Variants in KCNMA1 observed in about 807,000 individuals in gnomAD.
KCNMA1 encodes potassium calcium-activated channel subfamily M alpha 1, also known as Calcium-activated potassium channel subunit alpha-1.
A neutral mutation model predicts 140.0 loss-of-function variants in KCNMA1; 29 were observed. That is an observed-to-expected ratio of 0.21 (90% CI 0.15 to 0.28). The LOEUF (loss-of-function observed/expected upper bound fraction) is 0.28, where lower values mean the gene tolerates loss of function less well. KCNMA1 is among the 10% of genes least tolerant of loss of function. KCNMA1 has a pLI of 1.00. For synonymous variants in KCNMA1, 612 were observed against 611.9 expected (o/e 1.00, Z 0.00); for missense variants, 880 against 1,602.2 (o/e 0.55, Z 7.70).
chr10:77,490,502 G>A (rs910744981), intron 1 of KCNMA1, among the ~76,000 whole-genome samples: 1 of 152,130 alleles, frequency 6.6e-6, no homozygotes, highest in Non-Finnish European at 1.5e-5. Flanking sequence ...AACTTCTTGG[G>A]CAAACAGTTT....
chr10:77,571,576 C>A (rs760926617), intron 1 of KCNMA1, among the ~76,000 whole-genome samples: 1 of 152,154 alleles, frequency 6.6e-6, no homozygotes, highest in Non-Finnish European at 1.5e-5. Flanking sequence ...TCTCCCTTTG[C>A]CCCCCTGCAG....
chr10:77,418,843 C>T (rs1341576718), intron 1 of KCNMA1, among the ~76,000 whole-genome samples: 1 of 152,180 alleles, frequency 6.6e-6, no homozygotes, highest in Admixed American at 6.5e-5. Flanking sequence ...TCAAAAGGCA[C>T]ACACCTTTCT....
intron 1 of KCNMA1, among the ~76,000 whole-genome samples, chr10:77,542,246 GC>G (rs970702346): frequency 6.6e-5 from 10 of 152,168 alleles, no homozygotes; most frequent in Admixed American, 1.3e-4. Context: ...ATCACCCAGT[GC>G]AAGGCATTTT....
chr10:76,889,334 G>C, intron 27 of KCNMA1, 117 bp downstream of exon 27: 1 of 747,220 alleles, frequency 1.3e-6, no homozygotes, highest in Non-Finnish European at 2.4e-6. Flanking sequence ...AATATGGGCA[G>C]AGTAATTTGC....
chr10:76,886,356 C>T lies in KCNMA1; in HGVS notation c.*910G>A. On this transcript the variant is annotated 3_prime_UTR_variant, in exon 28 of 28. Coordinates refer to ENST00000286628, the MANE Select transcript of KCNMA1 (RefSeq NM_001161352.2). ...TCACCTTTTAAAAGATGTAAAAGTC[C>T]CAGGAAGGCAGTTTTTAATGACTTA... 1.0e-6 allele frequency: 1 copy of T among 984,686 alleles called. No individual in the cohort carries two copies. Among genetic ancestry groups the T allele is most frequent in the Non-Finnish European group, 1.2e-6 (1 of 829,444 alleles). The allele number at this position is 984,686 out of a possible 1,614,324, so 61.0% of individuals were successfully genotyped here.
intron 1 of KCNMA1, among the ~76,000 whole-genome samples, chr10:77,633,917 T>G (rs1321964063): frequency 6.6e-6 from 1 of 152,162 alleles, no homozygotes; most frequent in Non-Finnish European, 1.5e-5. Context: ...TATGTAACTG[T>G]CCCAAGGCTG....
intron 1 of KCNMA1, among the ~76,000 whole-genome samples, chr10:77,412,665 G>A (rs1343871138): frequency 6.6e-6 from 1 of 152,334 alleles, no homozygotes; most frequent in South Asian, 2.1e-4. Context: ...CAGGGGGGCT[G>A]GTTACCAAGG....
At chr10:77,071,504 G>A (rs2096211150) in intron 14 of KCNMA1, 1 of 152,178 alleles carries the variant, frequency 6.6e-6, no homozygotes, top group African/African-American at 2.4e-5. Flanking sequence ...GGCTTTTCAT[G>A]TTGAACATAA....
At chr10:77,304,810 T>G (rs969692984) in intron 2 of KCNMA1, among the ~76,000 whole-genome samples, 1 of 152,172 alleles carries the variant, frequency 6.6e-6, no homozygotes, top group African/African-American at 2.4e-5. Context: ...TGCCCAGAGA[T>G]TCCCACACCC....
chr10:77,230,404 G>T (rs2053188827), intron 3 of KCNMA1, among the ~76,000 whole-genome samples: 1 of 152,212 alleles, frequency 6.6e-6, no homozygotes, highest in African/African-American at 2.4e-5. Flanking sequence ...AATCACCACT[G>T]TATCGTACAC....
intron 1 of KCNMA1, among the ~76,000 whole-genome samples, chr10:77,460,539 A>G (rs1205268672): frequency 6.6e-6 from 1 of 151,844 alleles, no homozygotes; most frequent in Non-Finnish European, 1.5e-5. Context: ...GTGCACACAC[A>G]CACACACACA....
chr10:77,045,729 A>T (rs1240529110), intron 14 of KCNMA1, among the ~76,000 whole-genome samples: 1 of 152,178 alleles, frequency 6.6e-6, no homozygotes, highest in Non-Finnish European at 1.5e-5. Context: ...GATTAGAGTG[A>T]AACTGTGTTT....
chr10:77,631,851 G>A (rs2093253533), intron 1 of KCNMA1, among the ~76,000 whole-genome samples: 1 of 152,148 alleles, frequency 6.6e-6, no homozygotes, highest in African/African-American at 2.4e-5. Flanking sequence ...AGTTTCCTGG[G>A]CACCTAGAAG....
intron 1 of KCNMA1, among the ~76,000 whole-genome samples, chr10:77,519,646 T>C (rs1306703278): frequency 2.6e-5 from 4 of 152,212 alleles, no homozygotes; most frequent in Non-Finnish European, 5.9e-5. Context: ...TGAATTACTA[T>C]GGCTTTTACT....
chr10:77,531,584 C>T (rs1024652311), intron 1 of KCNMA1, among the ~76,000 whole-genome samples: 1 of 152,224 alleles, frequency 6.6e-6, no homozygotes, highest in East Asian at 1.9e-4. Flanking sequence ...TCCGGCTGTG[C>T]ATGTGCGTGA....
chr10:77,241,754 A>G (rs1402018166), intron 3 of KCNMA1, among the ~76,000 whole-genome samples: 2 of 152,190 alleles, frequency 1.3e-5, no homozygotes, highest in East Asian at 3.8e-4. Context: ...TCAAGGTTAC[A>G]GTGAGCTATG....
At chr10:77,506,843 GT>G in intron 1 of KCNMA1, among the ~76,000 whole-genome samples, 2 of 47,388 alleles carry the variant, frequency 4.2e-5, no homozygotes. Context: ...GAGAGAGAGT[GT>G]GTGTGTGTGT....
At chr10:76,961,394 G>A (rs1022712276) in intron 20 of KCNMA1, among the ~76,000 whole-genome samples, 21 of 152,088 alleles carry the variant, frequency 1.4e-4, no homozygotes, top group African/African-American at 4.1e-4. Flanking sequence ...TGCTTCTTAC[G>A]GGTTAGCAAA....
chr10:77,256,218 A>G (rs1265593328), intron 2 of KCNMA1, among the ~76,000 whole-genome samples: 1 of 152,146 alleles, frequency 6.6e-6, no homozygotes, highest in East Asian at 1.9e-4. Context: ...CCTGTTCTAG[A>G]ACCTGGACTG....
Sources: allele counts gnomAD v4.1 joint callset (sites outside exome capture counted in the v4.1 genomes callset), GRCh38; gene constraint gnomAD v4.1.1; transcripts MANE v1.5; gene names NCBI Gene and HGNC (gene_info 2026-07-23, HGNC 2026-07-21).